Variants in RALGAPA2 observed in about 807,000 individuals in gnomAD.
RALGAPA2 encodes Ral GTPase activating protein catalytic subunit alpha 2.
In RALGAPA2, 139 loss-of-function variants were observed where a neutral mutation model predicts 230.4. The ratio of observed to expected loss-of-function variants is 0.60; its 90% CI spans 0.53 to 0.69. The LOEUF is 0.69. RALGAPA2 is among the 30% of genes least tolerant of loss of function. The probability of loss-of-function intolerance (pLI) is 0.00; values close to 1 mark genes in which losing one functional copy is unlikely to be tolerated. For synonymous variants in RALGAPA2, 847 were observed against 837.8 expected (o/e 1.01, Z -0.19); for missense variants, 2,163 against 2,276.0 (o/e 0.95, Z 1.01).
chr20:20,635,703 A>G, intron 8 of RALGAPA2, 86 bp from the exon 9 acceptor site: 2 of 1,242,786 alleles, frequency 1.6e-6, no homozygotes, highest in Non-Finnish European at 2.2e-6. Flanking sequence ...TTCCAATTAA[A>G]TCCAATTTTT....
chr20:20,592,708 T>C (rs1602980910), intron 16 of RALGAPA2, among the ~76,000 whole-genome samples: 1 of 152,352 alleles, frequency 6.6e-6, no homozygotes, highest in Non-Finnish European at 1.5e-5. Context: ...TCACTGTCAA[T>C]GGGCCACCCT....
intron 35 of RALGAPA2, 108 bp from the exon 36 acceptor site, chr20:20,495,383 T>A: frequency 1.0e-6 from 1 of 961,088 alleles, no homozygotes; most frequent in Non-Finnish European, 1.5e-6. Flanking sequence ...AAAATTTCAC[T>A]ACCAAAAAAG....
In RALGAPA2 at chr20:20,629,464, A is replaced by C; in HGVS notation, c.1132T>G (p.Cys378Gly). The C allele has an allele frequency of 6.2e-7, 1 of 1,613,984 alleles. No individual in the cohort carries two copies. Among genetic ancestry groups the C allele is most frequent in the Non-Finnish European group, 8.5e-7 (1 of 1,179,892 alleles). ...ATTCGGTGCTCTTCTTCAATGCTAC[A>C]GAGGCTGGAGTTGCTGAGTCTTCGG... Reference protein sequence around the residue: ...SDRRLSNSSLCSIEEEHRMVY... With the variant: ...SDRRLSNSSLGSIEEEHRMVY... Residue 378 changes from cysteine (C) to glycine (G), a missense_variant, in exon 10 of 40, where the codon TGT (cysteine) becomes GGT (glycine). By Grantham distance (159) the Cys-to-Gly change is radical. Transcript: ENST00000202677.
At chr20:20,421,594 C>T (rs911368051) in intron 37 of RALGAPA2, among the ~76,000 whole-genome samples, 5 of 152,054 alleles carry the variant, frequency 3.3e-5, no homozygotes, top group East Asian at 3.9e-4. Flanking sequence ...TGCTTGAACC[C>T]GGGAGGCGGA....
intron 1 of RALGAPA2, among the ~76,000 whole-genome samples, chr20:20,702,874 A>C (rs1031110318): frequency 1.3e-5 from 2 of 152,198 alleles, no homozygotes; most frequent in African/African-American, 4.8e-5. Flanking sequence ...GTAATATCAA[A>C]ATTTGATTAC....
intron 37 of RALGAPA2, among the ~76,000 whole-genome samples, chr20:20,455,437 C>G (rs1348136176): frequency 6.6e-6 from 1 of 152,192 alleles, no homozygotes; most frequent in African/African-American, 2.4e-5. Flanking sequence ...GGAATGTCAT[C>G]ACCACCTCCT....
chr20:20,673,139 C>T (rs980880751), intron 3 of RALGAPA2, among the ~76,000 whole-genome samples: 2 of 150,688 alleles, frequency 1.3e-5, no homozygotes, highest in Non-Finnish European at 2.9e-5. Flanking sequence ...GAGCTGAGAT[C>T]GCACCACTGA....
At chr20:20,578,784 G>A (rs985198253) in intron 20 of RALGAPA2, among the ~76,000 whole-genome samples, 9 of 152,256 alleles carry the variant, frequency 5.9e-5, no homozygotes, top group Non-Finnish European at 1.2e-4. Context: ...ATTCAGGCCT[G>A]GCCTGGATGT....
chr20:20,577,945 T>C (rs1226475684), intron 20 of RALGAPA2, among the ~76,000 whole-genome samples: 3 of 152,148 alleles, frequency 2.0e-5, no homozygotes, highest in Admixed American at 1.3e-4. Flanking sequence ...CAAGTACATG[T>C]AGACAGATAC....
chr20:20,679,876 G>A (rs1184653700), intron 2 of RALGAPA2, among the ~76,000 whole-genome samples: 2 of 152,126 alleles, frequency 1.3e-5, no homozygotes, highest in Non-Finnish European at 1.5e-5. Context: ...AGTTATTTAT[G>A]CATATGGCTT....
At chr20:20,478,131 T>G (rs967156294) in intron 36 of RALGAPA2, among the ~76,000 whole-genome samples, 1 of 152,222 alleles carries the variant, frequency 6.6e-6, no homozygotes, top group African/African-American at 2.4e-5. Context: ...CAAACCTCTA[T>G]GTTTAGAAAT....
chr20:20,526,895 A>G (rs1602655885), intron 27 of RALGAPA2, among the ~76,000 whole-genome samples: 1 of 152,240 alleles, frequency 6.6e-6, no homozygotes, highest in East Asian at 1.9e-4. Context: ...ATTAGAGTGT[A>G]GGAGAAGATA....
At chr20:20,710,772 G>C (rs1412231815) in intron 1 of RALGAPA2, among the ~76,000 whole-genome samples, 1 of 152,188 alleles carries the variant, frequency 6.6e-6, no homozygotes, top group East Asian at 1.9e-4. Context: ...ACTTGATTCT[G>C]CCTTTATAAA....
chr20:20,589,517 A>G (rs911766868), intron 17 of RALGAPA2, among the ~76,000 whole-genome samples, 152 bp from the exon 18 acceptor site: 1 of 152,190 alleles, frequency 6.6e-6, no homozygotes, highest in African/African-American at 2.4e-5. Flanking sequence ...ACAGCAGCCT[A>G]TGGGTCAAGT....
chr20:20,649,636 T>A (rs894783533), intron 4 of RALGAPA2, among the ~76,000 whole-genome samples: 2 of 152,122 alleles, frequency 1.3e-5, no homozygotes, highest in Non-Finnish European at 2.9e-5. Flanking sequence ...ATATAAAACA[T>A]CTCTAATACA....
At chr20:20,673,254 GA>G (rs1166234826) in intron 3 of RALGAPA2, among the ~76,000 whole-genome samples, 2 of 149,038 alleles carry the variant, frequency 1.3e-5, no homozygotes, top group Admixed American at 1.3e-4. Flanking sequence ...AAGCCAGAAA[GA>G]AAAGACATTT....
chr20:20,666,638 C>T lies in RALGAPA2; in HGVS notation c.270+9598G>A, dbSNP rs544869525. On this transcript the variant is annotated intron_variant, in intron 3 of 39. Transcript: ENST00000202677. ...TAAGAAATAACAAAGCAGAGAAAAG[C>T]GCAGAAACTGTGGCAACTAGTTAAT... 3.9e-5 allele frequency among the ~76,000 whole-genome samples: 6 copies of T among 152,268 alleles called. No homozygotes were observed. In the East Asian group the frequency reaches 7.7e-4, roughly 20 times the overall value.
intron 20 of RALGAPA2, among the ~76,000 whole-genome samples, chr20:20,580,247 C>T (rs1385200167): frequency 6.6e-6 from 1 of 152,164 alleles, no homozygotes; most frequent in Non-Finnish European, 1.5e-5. Context: ...TCTGTCTTCT[C>T]AATGCTCTGG....
chr20:20,448,766 TA>T (rs1052715307), intron 37 of RALGAPA2, among the ~76,000 whole-genome samples: 6 of 151,724 alleles, frequency 4.0e-5, no homozygotes, highest in East Asian at 3.9e-4. Flanking sequence ...AATATAGCTT[TA>T]AAAAAATGTT....
Sources: allele counts gnomAD v4.1 joint callset (sites outside exome capture counted in the v4.1 genomes callset), GRCh38; gene constraint gnomAD v4.1.1; transcripts MANE v1.5; gene names NCBI Gene and HGNC (gene_info 2026-07-23, HGNC 2026-07-21).